MBD5: variants seen among roughly 807,000 people sequenced by gnomAD.
MBD5 encodes the protein methyl-CpG binding domain protein 5.
In MBD5, 13 loss-of-function variants were observed where a neutral mutation model predicts 117.3. That is an observed-to-expected ratio of 0.11 (90% CI 0.07 to 0.18). The LOEUF (loss-of-function observed/expected upper bound fraction) is 0.18, where lower values mean the gene tolerates loss of function less well. Among genes scored for constraint, MBD5 ranks in the 10% least tolerant of loss-of-function variants. MBD5 has a pLI of 1.00. For synonymous variants in MBD5, 727 were observed against 766.4 expected (o/e 0.95, Z 0.85); for missense variants, 1,879 against 2,093.8 (o/e 0.90, Z 2.00).
chr2:148,385,455 AAAC>A (rs1468348067), intron 4 of MBD5, among the ~76,000 whole-genome samples: 8 of 152,218 alleles, frequency 5.3e-5, no homozygotes, highest in Middle Eastern at 3.4e-3. Flanking sequence ...AAAAGTCAGG[AAAC>A]AACATGTGCT....
In MBD5 at chr2:148,025,327, T is replaced by A. The variant is rs1573924800; in HGVS notation, c.-925+3643T>A. 3.9e-5 allele frequency: 6 copies of A among 152,242 alleles called. No individual in the cohort carries two copies. The South Asian group carries it at 1.2e-3, about 32-fold the overall frequency. The allele number at this position is 152,242 out of a possible 1,614,324, so 9.4% of individuals were successfully genotyped here. A position where few individuals can be genotyped will look rare whatever the true frequency, so the allele number is the denominator to read the frequency against. On this transcript the variant is annotated intron_variant, in intron 1 of 13. Coordinates refer to ENST00000642680, the MANE Select transcript of MBD5 (RefSeq NM_001378120.1). ...GGATACTGTTAGGTGGAAAAATGCATGTTTAAGAAAGATATTGCTGTTATT... is the reference window on the plus strand; with the variant it reads ...GGATACTGTTAGGTGGAAAAATGCAAGTTTAAGAAAGATATTGCTGTTATT...
chr2:148,513,574 G>T lies in MBD5; in HGVS notation c.*633G>T, dbSNP rs143453030. The T allele has an allele frequency of 2.0e-5, 3 of 152,952 alleles. No individual in the cohort carries two copies. The highest frequency in any genetic ancestry group is 4.4e-5 in the Non-Finnish European group (3 of 68,288). 9.5% of individuals were successfully genotyped at this position (152,952 alleles called of 1,614,324 possible). A position where few individuals can be genotyped will look rare whatever the true frequency, so the allele number is the denominator to read the frequency against. ...ACACCACTGAGTGTCCATTTATATT[G>T]TCTGTTTGGAATGAACCTTGCCTGG... On this transcript the variant is annotated 3_prime_UTR_variant, in exon 14 of 14. Coordinates refer to ENST00000642680, the MANE Select transcript of MBD5 (RefSeq NM_001378120.1).
intron 2 of MBD5, among the ~76,000 whole-genome samples, chr2:148,222,942 T>G (rs1295544810): frequency 6.6e-6 from 1 of 152,108 alleles, no homozygotes; most frequent in African/African-American, 2.4e-5. Context: ...CTAATGTACA[T>G]TCTATATCCA....
At chr2:148,485,509 CTAAG>C (rs1264646813) in intron 9 of MBD5, 6 of 515,470 alleles carry the variant, frequency 1.2e-5, no homozygotes, top group East Asian at 7.0e-5. Flanking sequence ...AGAGCAAAGA[CTAAG>C]TAGTCTTTCC....
At chr2:148,351,353 T>C (rs1703246142) in intron 4 of MBD5, among the ~76,000 whole-genome samples, 1 of 152,060 alleles carries the variant, frequency 6.6e-6, no homozygotes. Context: ...ATAAATGTGA[T>C]CATAAAATAT....
intron 3 of MBD5, among the ~76,000 whole-genome samples, chr2:148,289,789 T>G (rs1347429420): frequency 6.6e-6 from 1 of 152,098 alleles, no homozygotes; most frequent in African/African-American, 2.4e-5. Flanking sequence ...TGTACGAAAT[T>G]TAGTATTGTC....
At chr2:148,229,012 T>C (rs1366549772) in intron 2 of MBD5, among the ~76,000 whole-genome samples, 4 of 152,148 alleles carry the variant, frequency 2.6e-5, no homozygotes, top group South Asian at 2.1e-4. Flanking sequence ...TCTTCTTTAT[T>C]AGTCTTGCTA....
intron 3 of MBD5, among the ~76,000 whole-genome samples, chr2:148,253,950 C>G (rs1700524107): frequency 6.6e-6 from 1 of 152,204 alleles, no homozygotes; most frequent in Non-Finnish European, 1.5e-5. Context: ...CTACCCCAGC[C>G]TACTCCTGAC....
chr2:148,032,094 A>G (rs1694054133), intron 1 of MBD5, among the ~76,000 whole-genome samples: 1 of 152,054 alleles, frequency 6.6e-6, no homozygotes, highest in South Asian at 2.1e-4. Flanking sequence ...TTTTAGCTAA[A>G]ATGTCATAGT....
intron 11 of MBD5, among the ~76,000 whole-genome samples, chr2:148,495,391 C>T (rs887342856): frequency 2.0e-5 from 3 of 152,090 alleles, no homozygotes; most frequent in Non-Finnish European, 4.4e-5. Flanking sequence ...AAAGGGTTGC[C>T]TCTCAAGCAG....
At chr2:148,386,718 C>CAAA (rs60766324) in intron 4 of MBD5, among the ~76,000 whole-genome samples, 266 of 103,670 alleles carry the variant, frequency 2.6e-3, no homozygotes, top group Non-Finnish European at 3.0e-3. Context: ...GACTCCGTCT[C>CAAA]AAAAAAAAAA....
At chr2:148,272,596 C>T (rs546668557) in intron 3 of MBD5, among the ~76,000 whole-genome samples, 1 of 152,142 alleles carries the variant, frequency 6.6e-6, no homozygotes, top group African/African-American at 2.4e-5. Context: ...TGAGAAATGT[C>T]TATTCAGGTC....
At chr2:148,470,606 A>G (rs770779526) in intron 8 of MBD5, 145 bp downstream of exon 8, 7 of 677,034 alleles carry the variant, frequency 1.0e-5, no homozygotes, top group Non-Finnish European at 1.4e-5. Flanking sequence ...TTATAATTTT[A>G]TTTACAGAAT....
chr2:148,155,506 C>T (rs533561665), intron 1 of MBD5, among the ~76,000 whole-genome samples: 1 of 152,272 alleles, frequency 6.6e-6, no homozygotes, highest in East Asian at 1.9e-4. Context: ...TCTCTTTGTC[C>T]TTTGTCCTCC....
intron 1 of MBD5, among the ~76,000 whole-genome samples, chr2:148,117,283 A>G (rs1696662914): frequency 6.6e-6 from 1 of 152,052 alleles, no homozygotes; most frequent in Non-Finnish European, 1.5e-5. Flanking sequence ...TAACAAGCAC[A>G]GTAATAGATC....
At chr2:148,138,664 A>C (rs2105516769) in intron 1 of MBD5, among the ~76,000 whole-genome samples, 1 of 152,354 alleles carries the variant, frequency 6.6e-6, no homozygotes, top group Non-Finnish European at 1.5e-5. Context: ...TAGTCAAGGC[A>C]GTGAGAATGC....
chr2:148,366,833 C>A (rs1703717105), intron 4 of MBD5, among the ~76,000 whole-genome samples: 1 of 152,120 alleles, frequency 6.6e-6, no homozygotes, highest in Admixed American at 6.5e-5. Flanking sequence ...AGAGAGGACA[C>A]AAACAAATGG....
chr2:148,511,955 CT>C, intron 13 of MBD5, among the ~76,000 whole-genome samples: 1 of 152,318 alleles, frequency 6.6e-6, no homozygotes, highest in East Asian at 1.9e-4. Context: ...TTGTACTCAT[CT>C]CTTCCTAATT....
intron 3 of MBD5, among the ~76,000 whole-genome samples, chr2:148,317,312 T>C (rs1473410509): frequency 6.6e-6 from 1 of 151,776 alleles, no homozygotes; most frequent in Non-Finnish European, 1.5e-5. Context: ...GAGGTTGCAG[T>C]GAGCCGAGAA....
Sources: allele counts gnomAD v4.1 joint callset (sites outside exome capture counted in the v4.1 genomes callset), GRCh38; gene constraint gnomAD v4.1.1; transcripts MANE v1.5; gene names NCBI Gene and HGNC (gene_info 2026-07-23, HGNC 2026-07-21).